The following STK38 variants were observed in gnomAD, a reference collection of about 807,000 sequenced individuals.
STK38 encodes serine/threonine-protein kinase 38.
STK38 carries 26 observed loss-of-function variants against 59.0 expected under a neutral mutation model. The ratio of observed to expected loss-of-function variants is 0.44; its 90% confidence interval spans 0.32 to 0.61. The LOEUF (loss-of-function observed/expected upper bound fraction) is 0.61. Among genes scored for constraint, STK38 ranks in the 20% least tolerant of loss-of-function variants. The pLI is 0.04. For missense variants in STK38, 433 were observed against 566.0 expected (o/e 0.76, Z 2.38); for synonymous variants, 175 against 176.6 (o/e 0.99, Z 0.07).
At chr6:36,517,009 GTTTC>G (rs199784232) in intron 6 of STK38, among the ~76,000 whole-genome samples, 1,781 of 152,200 alleles carry the variant, frequency 0.012, 40 homozygotes, top group African/African-American at 0.04. Context: ...TATTAAATGT[GTTTC>G]TTTATTAAAA....
At chr6:36,528,085 G>A (rs1169117337) in intron 2 of STK38, among the ~76,000 whole-genome samples, 3 of 151,720 alleles carry the variant, frequency 2.0e-5, no homozygotes, top group Admixed American at 6.6e-5. Flanking sequence ...CTCTAGCCTC[G>A]GTAACAGAGC....
chr6:36,532,054 C>T (rs1427193037), intron 2 of STK38, among the ~76,000 whole-genome samples: 1 of 152,020 alleles, frequency 6.6e-6, no homozygotes, highest in Non-Finnish European at 1.5e-5. Context: ...TTCAAACCTC[C>T]ATCATATATT....
chr6:36,531,945 A>G (rs1202811496), intron 2 of STK38, among the ~76,000 whole-genome samples: 3 of 152,172 alleles, frequency 2.0e-5, no homozygotes, highest in Non-Finnish European at 4.4e-5. Flanking sequence ...GCTAGGAATA[A>G]CAGATATTTT....
At position 36,494,518 on chromosome 6, in the gene STK38, G is replaced by C. The variant is rs1776652463; in HGVS notation, c.*1266C>G. 6.6e-6 allele frequency: 1 copy of C among 152,670 alleles called. No individual in the cohort carries two copies. Among genetic ancestry groups the C allele is most frequent in the Admixed American group, 6.5e-5 (1 of 15,290 alleles). The allele number at this position is 152,670 out of a possible 1,614,324, so 9.5% of individuals were successfully genotyped here. A position where few individuals can be genotyped will look rare whatever the true frequency, so the allele number is the denominator to read the frequency against. On this transcript the variant is annotated 3_prime_UTR_variant, in exon 14 of 14. Coordinates refer to ENST00000229812, the MANE Select transcript of STK38 (RefSeq NM_007271.4). The stretch of plus-strand genomic sequence containing the variant: ...AGGTGGTGGCAGCTGTGAAACAGAA[G>C]GCACTTTGTGCTAAAATTCAGAGGG...
At chr6:36,504,125 T>C (rs1333977625) in intron 9 of STK38, among the ~76,000 whole-genome samples, 1 of 152,248 alleles carries the variant, frequency 6.6e-6, no homozygotes, top group East Asian at 1.9e-4. Flanking sequence ...AATAAAGCAA[T>C]TTAATTTCCT....
At chr6:36,534,059 T>A (rs893872262) in intron 2 of STK38, among the ~76,000 whole-genome samples, 2 of 152,140 alleles carry the variant, frequency 1.3e-5, no homozygotes, top group African/African-American at 4.8e-5. Flanking sequence ...AAGATCCTTA[T>A]CAAAATATTA....
rs78764904 is a variant in STK38 at position 36,497,799 on chromosome 6, C to T, written c.1153G>A (p.Val385Ile). ...EIKSNSFFEG[V>I]DWEHIRERPA... ...ATATACCTGATATGTTCCCAGTCAA[C>T]GCCTTCAAAAAAAGAGTTACTTTTT... The change falls in exon 12 of 14, where the codon GTT becomes ATT. Residue 385 changes from valine to isoleucine, a missense_variant. Around this residue, in one of 3 missense-constraint regions of STK38, gnomAD observed 136 missense variants for 156.7 expected, o/e 0.87. Transcript: ENST00000229812. 146 of 1,612,702 alleles carry T rather than the reference C, an allele frequency of 9.1e-5. No individual in the cohort carries two copies. The East Asian group carries it at 2.4e-3, about 27-fold the overall frequency.
chr6:36,533,400 T>C (rs767938660), intron 2 of STK38, among the ~76,000 whole-genome samples: 1 of 152,226 alleles, frequency 6.6e-6, no homozygotes, highest in African/African-American at 2.4e-5. Context: ...CATTCTCTTC[T>C]GTCTTTTGAT....
At chr6:36,539,111 A>C (rs1777869788) in intron 2 of STK38, among the ~76,000 whole-genome samples, 2 of 134,314 alleles carry the variant, frequency 1.5e-5, no homozygotes, top group Non-Finnish European at 3.1e-5. Context: ...GTTACAGCCA[A>C]GCAGTGGCTC....
At chr6:36,527,308 G>GTA (rs1426160887) in intron 2 of STK38, among the ~76,000 whole-genome samples, 3 of 141,412 alleles carry the variant, frequency 2.1e-5, no homozygotes, top group Admixed American at 7.2e-5. Context: ...ATGTATATAC[G>GTA]TATATATACA....
chr6:36,524,246 A>G, intron 4 of STK38, 95 bp downstream of exon 4: 2 of 1,440,326 alleles, frequency 1.4e-6, no homozygotes, highest in East Asian at 2.4e-5. Context: ...TTAATTCCAT[A>G]TATTTGTTAT....
chr6:36,528,340 G>C (rs1002680635), intron 2 of STK38, among the ~76,000 whole-genome samples: 5 of 152,170 alleles, frequency 3.3e-5, no homozygotes, highest in Non-Finnish European at 5.9e-5. Flanking sequence ...AACTGAGAAA[G>C]AGGCTAGTTG....
intron 10 of STK38, among the ~76,000 whole-genome samples, chr6:36,499,216 TAG>T (rs1488481275): frequency 6.6e-6 from 1 of 152,150 alleles, no homozygotes; most frequent in Non-Finnish European, 1.5e-5. Flanking sequence ...GAAAAAAGCA[TAG>T]ATTTTAAAAA....
In STK38 at chr6:36,517,730, C is replaced by T. The variant is rs775125683; in HGVS notation, c.501G>A (p.Glu167=). Residue 167 remains glutamate (E), a synonymous_variant, in exon 6 of 14, where the codon GAG becomes GAA. Transcript: ENST00000229812. ...QDKLNLYLIM[E]FLPGGDMMTL... is the part of the protein sequence containing the mutation. ...TCAAGTAATTACCTCCAGGCAGGAA[C>T]TCCATGATTAGGTAGAGGTTTAGCT... 2.5e-6 allele frequency: 4 copies of T among 1,613,438 alleles called. No homozygotes were observed. The highest frequency in any genetic ancestry group is 1.7e-4 in the Middle Eastern group (1 of 6,058).
At chr6:36,513,924 G>T (rs1339817938) in intron 7 of STK38, among the ~76,000 whole-genome samples, 1 of 149,846 alleles carries the variant, frequency 6.7e-6, no homozygotes, top group East Asian at 2.0e-4. Context: ...GGGAGGCCAA[G>T]GCGGGCAGAT....
In STK38 at chr6:36,517,700, C is replaced by A; in HGVS notation, c.514+17G>T. 6.2e-7 allele frequency: 1 copy of A among 1,609,494 alleles called. No individual in the cohort carries two copies. Among genetic ancestry groups the A allele is most frequent in the South Asian group, 1.1e-5 (1 of 90,560 alleles). On this transcript the variant is annotated intron_variant, in intron 6 of 13. Coordinates refer to ENST00000229812, the MANE Select transcript of STK38 (RefSeq NM_007271.4). Reference sequence around the variant, plus strand: ...AGAACAAAAAGAAAAAATGACCTTTCATCGTCAAGTAATTACCTCCAGGCA... The same window carrying A: ...AGAACAAAAAGAAAAAATGACCTTTAATCGTCAAGTAATTACCTCCAGGCA...
intron 2 of STK38, among the ~76,000 whole-genome samples, chr6:36,531,853 G>A (rs542340771): frequency 2.6e-5 from 4 of 152,252 alleles, no homozygotes; most frequent in South Asian, 2.1e-4. Flanking sequence ...CTTTGGACAC[G>A]TATGGCCTTG....
At chr6:36,517,015 T>G (rs1777271328) in intron 6 of STK38, among the ~76,000 whole-genome samples, 1 of 152,242 alleles carries the variant, frequency 6.6e-6, no homozygotes, top group Non-Finnish European at 1.5e-5. Flanking sequence ...ATGTGTTTCT[T>G]TATTAAAAAG....
At position 36,545,289 on chromosome 6, in the gene STK38, GAAAAAAAAAAAAAA is replaced by G. The variant is rs58104312; in HGVS notation, c.-6+1887_-6+1900del. Among the ~76,000 whole-genome samples the G allele has an allele frequency of 3.3e-5, 2 of 60,522 alleles. 1 individual carries two copies. The allele number at this position is 60,522 out of a possible 152,430, so 39.7% of individuals were successfully genotyped here. A position where few individuals can be genotyped will look rare whatever the true frequency, so the allele number is the denominator to read the frequency against. On this transcript the variant is annotated intron_variant, in intron 1 of 13. Coordinates refer to ENST00000229812, the MANE Select transcript of STK38 (RefSeq NM_007271.4). Reference sequence around the variant, plus strand: ...GCCTGGGTGAGTGAGACTCCGTCTGGAAAAAAAAAAAAAAAAAAAAAAAAAAGAATAAAGACTAC... The same window carrying G: ...GCCTGGGTGAGTGAGACTCCGTCTGGAAAAAAAAAAAAGAATAAAGACTAC...
Sources: allele counts gnomAD v4.1 joint callset (sites outside exome capture counted in the v4.1 genomes callset), GRCh38; gene constraint gnomAD v4.1.1; regional missense constraint gnomAD v4.1.1; transcripts MANE v1.5; gene names NCBI Gene and HGNC (gene_info 2026-07-23, HGNC 2026-07-21).